MAF: variants seen among roughly 807,000 people sequenced by gnomAD.
MAF encodes transcription factor Maf.
A neutral mutation model predicts 22.0 loss-of-function variants in MAF; 10 were observed. The observed-to-expected ratio is 0.45, with a 90% confidence interval of 0.28 to 0.77. The LOEUF is 0.77. Among genes scored for constraint, MAF ranks in the 30% least tolerant of loss-of-function variants. The pLI, the probability that MAF is intolerant of heterozygous loss-of-function variation, is 0.12. For missense variants in MAF, 544 were observed against 548.4 expected, an observed-to-expected ratio of 0.99 and a Z score of 0.08; for synonymous variants, 337 against 255.8, an observed-to-expected ratio of 1.32 and a Z score of -3.03.
chr16:79,581,407 G>T (rs191597466), downstream of MAF, among the ~76,000 whole-genome samples: 3 of 152,260 alleles, frequency 2.0e-5, no homozygotes, highest in Admixed American at 1.3e-4. Context: ...GCAGAGGGGG[G>T]AGTCAACCCT....
the MAF span, among the ~76,000 whole-genome samples, chr16:79,560,189 G>C: frequency 3.9e-5 from 6 of 152,076 alleles, no homozygotes; most frequent in African/African-American, 1.2e-4. Flanking sequence ...GGGACTACAG[G>C]TGCACCTGGG....
At chr16:79,530,249 T>G in the MAF span, among the ~76,000 whole-genome samples, 2 of 152,296 alleles carry the variant, frequency 1.3e-5, no homozygotes, top group East Asian at 3.9e-4. Context: ...AGGGAAACCA[T>G]GACACAACAG....
the MAF span, among the ~76,000 whole-genome samples, chr16:79,536,673 A>G: frequency 1.3e-5 from 2 of 152,276 alleles, no homozygotes; most frequent in East Asian, 1.9e-4. Flanking sequence ...TTGAGAAAAA[A>G]TTTTAAAAAG....
At chr16:79,393,438 T>C in the MAF span, among the ~76,000 whole-genome samples, 5 of 152,202 alleles carry the variant, frequency 3.3e-5, no homozygotes, top group Admixed American at 6.5e-5. Context: ...CCTCATTTGA[T>C]TGAATTAGGA....
Position 79,599,048 on chromosome 16 carries a change from C to T in MAF, c.855G>A (p.Glu285=). ...NRQLRGVSKE[E]VIRLKQKRRT... is the part of the protein sequence containing the mutation. ...GCCTCTTCTGCTTCAGCCGGATCACCTCCTCCTTGCTGACCCCGCGCAGCT... is the reference window on the plus strand; with the variant it reads ...GCCTCTTCTGCTTCAGCCGGATCACTTCCTCCTTGCTGACCCCGCGCAGCT... The change falls in exon 1 of 2, where the codon GAG becomes GAA. Residue 285 remains glutamate (E), a synonymous_variant. Transcript: ENST00000326043. The T allele has an allele frequency of 1.3e-5, 21 of 1,612,782 alleles. No homozygotes were observed. The highest frequency in any genetic ancestry group is 1.8e-5 in the Non-Finnish European group (21 of 1,179,938).
At chr16:79,332,562 G>A in the MAF span, among the ~76,000 whole-genome samples, 2 of 152,226 alleles carry the variant, frequency 1.3e-5, no homozygotes, top group Non-Finnish European at 2.9e-5. Flanking sequence ...GCTTCCCAAA[G>A]TACTGAGATT....
the MAF span, among the ~76,000 whole-genome samples, chr16:79,441,961 G>A: frequency 6.6e-6 from 1 of 152,230 alleles, no homozygotes; most frequent in Non-Finnish European, 1.5e-5. Context: ...AGAGCAAAAG[G>A]TCATGTGAAG....
the MAF span, chr16:79,211,546 T>C: frequency 6.2e-7 from 1 of 1,609,374 alleles, no homozygotes; most frequent in Non-Finnish European, 8.5e-7. Flanking sequence ...GCAGTCGAAA[T>C]GACGCCATCT....
At chr16:79,352,769 T>G in the MAF span, among the ~76,000 whole-genome samples, 4 of 152,140 alleles carry the variant, frequency 2.6e-5, no homozygotes, top group African/African-American at 9.7e-5. Flanking sequence ...GGAATTGTAG[T>G]GAATATTATA....
At chr16:79,479,267 C>G in the MAF span, among the ~76,000 whole-genome samples, 1 of 152,358 alleles carries the variant, frequency 6.6e-6, no homozygotes, top group Non-Finnish European at 1.5e-5. Context: ...TACCATCATA[C>G]CTTTCTACCA....
the MAF span, among the ~76,000 whole-genome samples, chr16:79,461,728 G>C: frequency 6.6e-6 from 1 of 152,142 alleles, no homozygotes; most frequent in Non-Finnish European, 1.5e-5. Flanking sequence ...TTTGGAGAGA[G>C]GAGAGAGACC....
chr16:79,588,905 C>CTG (rs1412100517), downstream of MAF, among the ~76,000 whole-genome samples: 1 of 152,140 alleles, frequency 6.6e-6, no homozygotes, highest in Non-Finnish European at 1.5e-5. Flanking sequence ...AAGACACAAA[C>CTG]ATCACCTTTT....
the MAF span, among the ~76,000 whole-genome samples, chr16:79,336,076 C>T: frequency 1.3e-5 from 2 of 152,160 alleles, no homozygotes; most frequent in Admixed American, 6.5e-5. Flanking sequence ...GAACTAGGCT[C>T]AAATCTCTCA....
the MAF span, among the ~76,000 whole-genome samples, chr16:79,545,552 A>G: frequency 6.6e-6 from 1 of 152,172 alleles, no homozygotes; most frequent in Non-Finnish European, 1.5e-5. Context: ...TTCAATAGAA[A>G]ATCGTGGACA....
the MAF span, among the ~76,000 whole-genome samples, chr16:79,208,835 G>A: frequency 1.3e-4 from 20 of 152,230 alleles, no homozygotes; most frequent in East Asian, 1.2e-3. Flanking sequence ...CCATTGGTAC[G>A]GCTGAAAATT....
chr16:79,553,132 G>A, the MAF span, among the ~76,000 whole-genome samples: 1 of 152,228 alleles, frequency 6.6e-6, no homozygotes, highest in East Asian at 1.9e-4. Context: ...AGAAGAGAAT[G>A]TGCCCGGCAC....
the MAF span, among the ~76,000 whole-genome samples, chr16:79,404,640 T>A: frequency 4.0e-4 from 27 of 67,908 alleles, no homozygotes; most frequent in African/African-American, 1.1e-3. Flanking sequence ...TTTTTTAAAT[T>A]TTTTTTTTTG....
the MAF span, among the ~76,000 whole-genome samples, chr16:79,452,558 T>C: frequency 2.8e-4 from 43 of 152,114 alleles, no homozygotes; most frequent in Non-Finnish European, 4.9e-4. Flanking sequence ...TTCAGTAAAA[T>C]TTACCCTCTC....
chr16:79,502,722 T>TAAATATAA, the MAF span, among the ~76,000 whole-genome samples: 64 of 36,636 alleles, frequency 1.7e-3, 3 homozygotes, highest in Admixed American at 2.0e-3. Flanking sequence ...TATATATATA[T>TAAATATAA]ATATATATAT....
Sources: gnomAD v4.1 joint callset for allele counts (sites outside exome capture counted in the v4.1 genomes callset) on GRCh38, gnomAD v4.1.1 for gene constraint, MANE v1.5 for transcripts, NCBI Gene and HGNC (gene_info 2026-07-23, HGNC 2026-07-21) for gene names.